Variants in KCTD2 observed in about 807,000 individuals in gnomAD.
KCTD2 encodes the protein potassium channel tetramerization domain containing 2, also known as BTB/POZ domain-containing protein KCTD2.
A neutral mutation model predicts 27.9 loss-of-function variants in KCTD2; 18 were observed. The observed-to-expected ratio is 0.64, with a 90% CI of 0.45 to 0.96. KCTD2 has a LOEUF of 0.96. Among genes scored for constraint, KCTD2 ranks in the 40% least tolerant of loss-of-function variants. The pLI, the probability that KCTD2 is intolerant of heterozygous loss-of-function variation, is 0.00. For synonymous variants in KCTD2, 175 were observed against 148.4 expected (o/e 1.18, Z -1.30); for missense variants, 280 against 348.0 (o/e 0.80, Z 1.56).
At chr17:75,043,788 A>G (rs2073184598), upstream of KCTD2, among the ~76,000 whole-genome samples, 2 of 152,192 alleles carry the variant, frequency 1.3e-5, no homozygotes, top group South Asian at 4.1e-4. Flanking sequence ...AAGTTTCAAC[A>G]AGCCTTAAAT....
At chr17:75,046,808 C>G (rs968517414), upstream of KCTD2, 1 of 152,432 alleles carries the variant, frequency 6.6e-6, no homozygotes, top group Non-Finnish European at 1.5e-5. Context: ...GCCAGCGGGG[C>G]AAGCCGAGGG....
intron 3 of KCTD2, 136 bp downstream of exon 3, chr17:75,053,241 A>T: frequency 1.5e-6 from 1 of 672,168 alleles, no homozygotes; most frequent in South Asian, 1.7e-5. Context: ...GGGAATGCAC[A>T]CTCAGCCAAA....
chr17:75,059,337 GA>G, intron 3 of KCTD2, 172 bp from the exon 4 acceptor site: 9 of 415,006 alleles, frequency 2.2e-5, no homozygotes, highest in South Asian at 2.0e-4. Flanking sequence ...AAAGAGAAGG[GA>G]AAAAAAGAAA....
At chr17:75,055,379 A>G (rs566566205) in intron 3 of KCTD2, among the ~76,000 whole-genome samples, 1 of 152,026 alleles carries the variant, frequency 6.6e-6, no homozygotes, top group Admixed American at 6.5e-5. Flanking sequence ...AAAGTAAAAA[A>G]TAATGCCTTG....
intron 4 of KCTD2, chr17:75,060,355 A>T (rs2073391592): frequency 7.7e-7 from 1 of 1,296,910 alleles, no homozygotes; most frequent in Admixed American, 2.7e-5. Flanking sequence ...GGAAAAATGT[A>T]GTCCTTGATA....
At chr17:75,040,156 G>A (rs754519788) in intron 3 of KCTD2, 43 of 1,611,284 alleles carry the variant, frequency 2.7e-5, no homozygotes, top group South Asian at 7.7e-5. Flanking sequence ...AACCTTCAGC[G>A]CATTAAACTA....
At chr17:75,056,082 C>T (rs1050358637) in intron 3 of KCTD2, among the ~76,000 whole-genome samples, 6 of 152,114 alleles carry the variant, frequency 3.9e-5, no homozygotes, top group Admixed American at 3.3e-4. Context: ...GAATAACTGA[C>T]ACTAATGATG....
chr17:75,060,620 C>G, intron 4 of KCTD2: 1 of 1,590,526 alleles, frequency 6.3e-7, no homozygotes, highest in East Asian at 2.3e-5. Context: ...TCGCCAGGTT[C>G]ATGGCTGGGC....
intron 3 of KCTD2, chr17:75,039,049 C>T: frequency 6.2e-7 from 1 of 1,613,892 alleles, no homozygotes; most frequent in Non-Finnish European, 8.5e-7. Flanking sequence ...GAATTAAGTT[C>T]TTCATCTTCT....
intron 3 of KCTD2, among the ~76,000 whole-genome samples, chr17:75,036,706 C>T (rs8078243): frequency 6.6e-6 from 1 of 152,162 alleles, no homozygotes; most frequent in Non-Finnish European, 1.5e-5. Context: ...TTTTTTCTCA[C>T]ATCCCTGCGC....
rs763962942 is a variant in KCTD2, at chr17:75,047,548, C to G, written c.298C>G (p.Arg100Gly). The G allele has an allele frequency of 6.2e-7, 1 of 1,611,576 alleles. No homozygotes were observed. The highest frequency in any genetic ancestry group is 1.3e-5 in the African/African-American group (1 of 74,846). ...LGREPKSFLC[R>G]LCCQEDPELD... ...CCGGGAGCCCAAGTCATTTCTCTGCCGCCTCTGCTGCCAGGAGGACCCGGA... is the reference window on the plus strand; with the variant it reads ...CCGGGAGCCCAAGTCATTTCTCTGCGGCCTCTGCTGCCAGGAGGACCCGGA... The change falls in exon 1 of 6, where the codon CGC becomes GGC. Residue 100 changes from arginine to glycine, a missense_variant. Physicochemically the swap from Arg to Gly is moderately radical, Grantham distance 125 (BLOSUM62 -2). Coordinates refer to ENST00000322444, the MANE Select transcript of KCTD2 (RefSeq NM_015353.3).
chr17:75,039,892 T>C, intron 3 of KCTD2: 1 of 629,210 alleles, frequency 1.6e-6, no homozygotes, highest in Non-Finnish European at 2.8e-6. Flanking sequence ...TCATATGCTA[T>C]ACTCTTCTTT....
intron 3 of KCTD2, among the ~76,000 whole-genome samples, chr17:75,055,957 G>A (rs1286875818): frequency 6.6e-6 from 1 of 152,070 alleles, no homozygotes; most frequent in African/African-American, 2.4e-5. Flanking sequence ...CTTGAACTAA[G>A]ATAGCAGAGG....
At chr17:75,042,344 C>A, upstream of KCTD2, 1 of 1,561,630 alleles carries the variant, frequency 6.4e-7, no homozygotes. Context: ...TGGTAATTTT[C>A]CTATCCCTTC....
intron 1 of KCTD2, among the ~76,000 whole-genome samples, chr17:75,048,236 G>T (rs931959956): frequency 6.6e-6 from 1 of 152,152 alleles, no homozygotes; most frequent in Non-Finnish European, 1.5e-5. Context: ...AAATTTTCCC[G>T]GGAAAATTTT....
At chr17:75,052,095 G>C (rs145062395) in intron 2 of KCTD2, among the ~76,000 whole-genome samples, 1 of 152,240 alleles carries the variant, frequency 6.6e-6, no homozygotes, top group Non-Finnish European at 1.5e-5. Flanking sequence ...CTAGTTCCAG[G>C]AACTAAGTGA....
intron 4 of KCTD2, among the ~76,000 whole-genome samples, chr17:75,061,895 C>G (rs886175029): frequency 3.9e-5 from 6 of 152,006 alleles, no homozygotes; most frequent in African/African-American, 1.4e-4. Context: ...GGTGAGGGGA[C>G]AGTGGAGCTC....
Position 75,050,504 on chromosome 17 carries a change from C to G in KCTD2, c.448+1176C>G, listed in dbSNP as rs550366253. ...TCTTGAACTCCTAACCTCAAGTGAT[C>G]CACCTGCCTCAGCCTCCCAGAGTGC... On this transcript the variant is annotated intron_variant, in intron 2 of 5. Transcript: ENST00000322444. Among the ~76,000 whole-genome samples, 4 of 152,198 alleles carry G rather than the reference C, an allele frequency of 2.6e-5. No individual in the cohort carries two copies. In the South Asian group the frequency reaches 8.3e-4, roughly 32 times the overall value.
At chr17:75,033,704 A>G (rs1028164511) in intron 1 of KCTD2, among the ~76,000 whole-genome samples, 1 of 152,224 alleles carries the variant, frequency 6.6e-6, no homozygotes, top group African/African-American at 2.4e-5. Context: ...GGGGCGTCCC[A>G]GTGCCGGGGG....
Sources: allele counts gnomAD v4.1 joint callset (sites outside exome capture counted in the v4.1 genomes callset), GRCh38; gene constraint gnomAD v4.1.1; transcripts MANE v1.5; gene names NCBI Gene and HGNC (gene_info 2026-07-23, HGNC 2026-07-21).